The following BACH2 variants were observed in gnomAD, a reference collection of about 807,000 sequenced individuals.
BACH2 encodes BACH transcriptional regulator 2, also known as transcription regulator protein BACH2.
A neutral mutation model predicts 61.8 loss-of-function variants in BACH2; 5 were observed. That is an observed-to-expected ratio of 0.08 (90% CI 0.04 to 0.17). The LOEUF (loss-of-function observed/expected upper bound fraction) is 0.17. Ranked by LOEUF, BACH2 falls within the 10% of genes least tolerant of loss-of-function variation. The pLI is 1.00. For synonymous variants in BACH2, 446 were observed against 440.1 expected, an observed-to-expected ratio of 1.01 and a Z score of -0.17; for missense variants, 824 against 1,091.1, an observed-to-expected ratio of 0.76 and a Z score of 3.45.
At chr6:90,225,483 T>G (rs1769882488) in intron 3 of BACH2, among the ~76,000 whole-genome samples, 1 of 151,974 alleles carries the variant, frequency 6.6e-6, no homozygotes. Context: ...TGTTGTAAGG[T>G]AACAGGTGAC....
chr6:90,120,853 G>A (rs978386611), intron 4 of BACH2, among the ~76,000 whole-genome samples: 1 of 152,134 alleles, frequency 6.6e-6, no homozygotes, highest in Non-Finnish European at 1.5e-5. Flanking sequence ...GTTAATGTCA[G>A]CTATACTTGC....
chr6:90,113,018 A>G (rs996503187), intron 4 of BACH2, among the ~76,000 whole-genome samples: 1 of 152,242 alleles, frequency 6.6e-6, no homozygotes, highest in African/African-American at 2.4e-5. Flanking sequence ...AGGGCATTAC[A>G]TAATGGTAAA....
At chr6:89,960,296 C>T (rs1358036323) in intron 6 of BACH2, among the ~76,000 whole-genome samples, 1 of 152,222 alleles carries the variant, frequency 6.6e-6, no homozygotes, top group East Asian at 1.9e-4. Context: ...GGCCAAGGCC[C>T]AGAAAGGTGA....
At chr6:90,011,255 T>C (rs1189337474) in intron 5 of BACH2, among the ~76,000 whole-genome samples, 1 of 152,242 alleles carries the variant, frequency 6.6e-6, no homozygotes, top group Non-Finnish European at 1.5e-5. Flanking sequence ...AGGTTCTTTT[T>C]TTCCTTTTGC....
At chr6:90,054,039 G>C (rs1018681680) in intron 5 of BACH2, among the ~76,000 whole-genome samples, 1 of 152,222 alleles carries the variant, frequency 6.6e-6, no homozygotes, top group South Asian at 2.1e-4. Context: ...CCCAGCGTGA[G>C]CGATGCAGAA....
At chr6:90,277,963 T>C (rs1273319372) in intron 1 of BACH2, among the ~76,000 whole-genome samples, 1 of 152,236 alleles carries the variant, frequency 6.6e-6, no homozygotes, top group African/African-American at 2.4e-5. Context: ...AAAATGTTAG[T>C]ATAAACATAA....
chr6:90,268,017 T>G (rs9344999), intron 2 of BACH2, among the ~76,000 whole-genome samples: 14,580 of 150,994 alleles, frequency 0.097, 1,084 homozygotes, highest in East Asian at 0.36. Flanking sequence ...TTTGTTTTTT[T>G]TTTTTTTTCA....
At chr6:90,060,491 T>C (rs1308678707) in intron 5 of BACH2, among the ~76,000 whole-genome samples, 1 of 152,180 alleles carries the variant, frequency 6.6e-6, no homozygotes, top group African/African-American at 2.4e-5. Flanking sequence ...TTTTCAGAAG[T>C]GCCTGGTGAT....
At chr6:90,074,632 CT>C (rs1387025257) in intron 5 of BACH2, among the ~76,000 whole-genome samples, 1 of 152,108 alleles carries the variant, frequency 6.6e-6, no homozygotes, top group Non-Finnish European at 1.5e-5. Context: ...GGCTCAATTC[CT>C]TTCGAGATAT....
chr6:90,174,381 T>G (rs1258426434), intron 4 of BACH2, among the ~76,000 whole-genome samples: 1 of 151,872 alleles, frequency 6.6e-6, no homozygotes, highest in Admixed American at 6.6e-5. Flanking sequence ...AAACAAAGAA[T>G]AGAAAGAAAC....
At chr6:89,982,959 G>A (rs1441329167) in intron 6 of BACH2, among the ~76,000 whole-genome samples, 1 of 152,164 alleles carries the variant, frequency 6.6e-6, no homozygotes, top group African/African-American at 2.4e-5. Context: ...TTTCAAAAAA[G>A]CATAGGCATT....
At chr6:89,998,132 C>T (rs941942690) in intron 6 of BACH2, among the ~76,000 whole-genome samples, 2 of 151,832 alleles carry the variant, frequency 1.3e-5, no homozygotes, top group Non-Finnish European at 2.9e-5. Flanking sequence ...TGGTTTTCTT[C>T]TAAGCCCAGG....
chr6:90,229,234 G>A (rs1382336881), intron 3 of BACH2, among the ~76,000 whole-genome samples: 18 of 152,166 alleles, frequency 1.2e-4, no homozygotes, highest in African/African-American at 4.1e-4. Context: ...CGAGGCAGGC[G>A]GATGACCTGA....
chr6:90,077,725 T>C (rs1420127400), intron 5 of BACH2, among the ~76,000 whole-genome samples: 1 of 152,194 alleles, frequency 6.6e-6, no homozygotes, highest in African/African-American at 2.4e-5. Flanking sequence ...GTATTTTAAT[T>C]CCTTAGCTTA....
At chr6:89,933,822 C>CA (rs35015914) in intron 8 of BACH2, among the ~76,000 whole-genome samples, 29,310 of 151,778 alleles carry the variant, frequency 0.19, 3,085 homozygotes, top group Non-Finnish European at 0.24. Flanking sequence ...CCCTTCTCTA[C>CA]AAAAAATACA....
chr6:89,939,652 ATTTCTTTT>A (rs1773283514), intron 7 of BACH2, among the ~76,000 whole-genome samples: 1 of 85,918 alleles, frequency 1.2e-5, no homozygotes, highest in Non-Finnish European at 2.4e-5. Flanking sequence ...GATTGCTTAT[ATTTCTTTT>A]TTTTTTTTTT....
intron 4 of BACH2, among the ~76,000 whole-genome samples, chr6:90,098,275 C>G (rs1334466848): frequency 2.5e-5 from 1 of 39,504 alleles, no homozygotes; most frequent in Admixed American, 2.2e-4. Context: ...ATTTCTTTGC[C>G]CCCCCCGCAA....
At chr6:89,938,112 G>C (rs370545447) in intron 8 of BACH2, 32 bp downstream of exon 8, 2 of 1,592,702 alleles carry the variant, frequency 1.3e-6, no homozygotes, top group Non-Finnish European at 1.7e-6. Flanking sequence ...GGTCACTTCA[G>C]GTTGCTGATC....
intron 6 of BACH2, among the ~76,000 whole-genome samples, chr6:89,960,128 T>G (rs1306839356): frequency 1.3e-5 from 2 of 152,204 alleles, no homozygotes; most frequent in African/African-American, 4.8e-5. Context: ...AGATACTTTC[T>G]GCGGTCATTA....
Sources: allele counts gnomAD v4.1 joint callset (sites outside exome capture counted in the v4.1 genomes callset), GRCh38; gene constraint gnomAD v4.1.1; transcripts MANE v1.5; gene names NCBI Gene and HGNC (gene_info 2026-07-23, HGNC 2026-07-21).